Variants in TMEM132C observed in about 807,000 individuals in gnomAD.
The protein encoded by TMEM132C is protein phosphatase 1, regulatory subunit 152.
A neutral mutation model predicts 61.4 loss-of-function variants in TMEM132C; 29 were observed. That is an observed-to-expected ratio of 0.47 (90% CI 0.35 to 0.64). The LOEUF (loss-of-function observed/expected upper bound fraction) is 0.64, where lower values mean the gene tolerates loss of function less well. Among genes scored for constraint, TMEM132C ranks in the 30% least tolerant of loss-of-function variants. The pLI is 0.00. For missense variants in TMEM132C, 1,408 were observed against 1,476.9 expected, an observed-to-expected ratio of 0.95 and a Z score of 0.76; for synonymous variants, 656 against 633.1, an observed-to-expected ratio of 1.04 and a Z score of -0.54.
At chr12:128,403,418 C>T (rs1158356286) in intron 1 of TMEM132C, among the ~76,000 whole-genome samples, 1 of 152,112 alleles carries the variant, frequency 6.6e-6, no homozygotes, top group African/African-American at 2.4e-5. Flanking sequence ...AAAGAGCCCA[C>T]TTCCCTTAAT....
In TMEM132C at chr12:128,267,414, G is replaced by A; in HGVS notation, c.12G>A (p.Glu4=). 1.6e-6 allele frequency: 2 copies of A among 1,220,892 alleles called. No homozygotes were observed. The highest frequency in any genetic ancestry group is 3.5e-5 in the South Asian group (1 of 28,682). 75.6% of individuals were successfully genotyped at this position (1,220,892 alleles called of 1,614,324 possible). MRS[E]GAAPGPAAPL... Reference sequence around the variant, plus strand: ...GGCCGGGACGCAGGATGCGCTCCGAGGGTGCGGCCCCCGGGCCGGCGGCGC... The same window carrying A: ...GGCCGGGACGCAGGATGCGCTCCGAAGGTGCGGCCCCCGGGCCGGCGGCGC... Residue 4 remains glutamate, a synonymous_variant, in exon 1 of 9, where the codon GAG becomes GAA. Coordinates refer to ENST00000435159, the MANE Select transcript of TMEM132C (RefSeq NM_001136103.3).
At chr12:128,392,001 A>AC (rs1874778290) in intron 1 of TMEM132C, among the ~76,000 whole-genome samples, 1 of 151,596 alleles carries the variant, frequency 6.6e-6, no homozygotes, top group South Asian at 2.1e-4. Context: ...TATGACCTGA[A>AC]CCTCTAATTA....
chr12:128,267,604 G>T (rs998618463), intron 1 of TMEM132C, 117 bp downstream of exon 1: 57 of 851,450 alleles, frequency 6.7e-5, no homozygotes, highest in Non-Finnish European at 4.2e-5. Flanking sequence ...CGGGGGCTCG[G>T]ATCCCATCAA....
chr12:128,462,164 G>A (rs1224686228), intron 2 of TMEM132C, among the ~76,000 whole-genome samples: 2 of 152,112 alleles, frequency 1.3e-5, no homozygotes, highest in Non-Finnish European at 2.9e-5. Context: ...GGAGTGCAGT[G>A]GTGCAATCTC....
At chr12:128,692,345 G>A (rs763339989) in intron 5 of TMEM132C, among the ~76,000 whole-genome samples, 1 of 152,212 alleles carries the variant, frequency 6.6e-6, no homozygotes, top group Non-Finnish European at 1.5e-5. Flanking sequence ...AGCAGCTGAG[G>A]TAAGGAACCC....
chr12:128,409,414 C>G (rs1683722), intron 1 of TMEM132C, among the ~76,000 whole-genome samples: 3 of 152,172 alleles, frequency 2.0e-5, no homozygotes, highest in East Asian at 3.9e-4. Context: ...ACAAGCAGGC[C>G]GGTCCATGGC....
intron 1 of TMEM132C, among the ~76,000 whole-genome samples, chr12:128,323,639 A>G (rs976196609): frequency 1.3e-5 from 2 of 152,232 alleles, no homozygotes; most frequent in Non-Finnish European, 2.9e-5. Flanking sequence ...GATAGAATCT[A>G]TGGGCTTTGC....
At chr12:128,505,752 GA>G (rs1242524125) in intron 2 of TMEM132C, among the ~76,000 whole-genome samples, 1 of 152,196 alleles carries the variant, frequency 6.6e-6, no homozygotes, top group Non-Finnish European at 1.5e-5. Flanking sequence ...AATGTCAATT[GA>G]GTGATGAACT....
At chr12:128,276,435 A>G (rs1178790047) in intron 1 of TMEM132C, among the ~76,000 whole-genome samples, 1 of 152,182 alleles carries the variant, frequency 6.6e-6, no homozygotes, top group African/African-American at 2.4e-5. Context: ...CTAAACAGAG[A>G]GCCAAAGGTT....
chr12:128,536,798 A>G (rs1200163625), intron 2 of TMEM132C, among the ~76,000 whole-genome samples: 1 of 152,122 alleles, frequency 6.6e-6, no homozygotes, highest in Non-Finnish European at 1.5e-5. Flanking sequence ...ATTTCCTTTC[A>G]TAAGACATGA....
intron 5 of TMEM132C, among the ~76,000 whole-genome samples, chr12:128,681,954 G>A (rs918662358): frequency 1.3e-5 from 2 of 151,806 alleles, no homozygotes; most frequent in African/African-American, 2.4e-5. Flanking sequence ...ACAGGTGTGA[G>A]CCACCGTGCC....
chr12:128,379,293 G>C (rs1874326382), intron 1 of TMEM132C, among the ~76,000 whole-genome samples: 1 of 152,200 alleles, frequency 6.6e-6, no homozygotes, highest in Non-Finnish European at 1.5e-5. Context: ...TGTTGGTGCA[G>C]ATTAGCTGAG....
At chr12:128,680,550 C>T (rs965825928) in intron 5 of TMEM132C, among the ~76,000 whole-genome samples, 3 of 152,246 alleles carry the variant, frequency 2.0e-5, no homozygotes, top group African/African-American at 7.2e-5. Flanking sequence ...CTAGCCACAT[C>T]TCAGGTGCTC....
intron 4 of TMEM132C, among the ~76,000 whole-genome samples, chr12:128,635,042 A>G (rs901793637): frequency 1.3e-5 from 2 of 152,234 alleles, no homozygotes; most frequent in South Asian, 4.1e-4. Flanking sequence ...GTGTGCACAT[A>G]TCACCCACAA....
At chr12:128,593,454 C>A (rs1280439264) in intron 3 of TMEM132C, among the ~76,000 whole-genome samples, 1 of 152,200 alleles carries the variant, frequency 6.6e-6, no homozygotes, top group Non-Finnish European at 1.5e-5. Context: ...TGTGACCTCA[C>A]TCCCACTCTG....
intron 1 of TMEM132C, 96 bp downstream of exon 1, chr12:128,267,583 G>A: frequency 2.9e-6 from 3 of 1,027,436 alleles, no homozygotes; most frequent in Non-Finnish European, 3.7e-6. Flanking sequence ...GGGGTGCGGC[G>A]GGGGCCTCGG....
chr12:128,361,513 A>G (rs905891963), intron 1 of TMEM132C, among the ~76,000 whole-genome samples: 2 of 152,142 alleles, frequency 1.3e-5, no homozygotes, highest in South Asian at 2.1e-4. Context: ...CCATATAACA[A>G]ATGTCTCCAT....
Position 128,497,660 on chromosome 12 carries a change from G to A in TMEM132C, c.975-46297G>A, listed in dbSNP as rs571382692. 2.3e-3 allele frequency among the ~76,000 whole-genome samples: 347 copies of A among 152,302 alleles called. 1 individual carries two copies. Among genetic ancestry groups the A allele is most frequent in the Middle Eastern group, 0.01 (3 of 294 alleles). Reference sequence around the variant, plus strand: ...GCGGGATATAATCTCCTGGTGTGCCGTTTGCTAAGACCATTGGAAAAGCGC... The same window carrying A: ...GCGGGATATAATCTCCTGGTGTGCCATTTGCTAAGACCATTGGAAAAGCGC... On this transcript the variant is annotated intron_variant, in intron 2 of 8. Coordinates refer to ENST00000435159, the MANE Select transcript of TMEM132C (RefSeq NM_001136103.3).
At chr12:128,269,381 C>A (rs1870434127) in intron 1 of TMEM132C, among the ~76,000 whole-genome samples, 1 of 25,420 alleles carries the variant, frequency 3.9e-5, no homozygotes. Flanking sequence ...TGTGTGTATC[C>A]AGAGGATTTT....
Sources: allele counts gnomAD v4.1 joint callset (sites outside exome capture counted in the v4.1 genomes callset), GRCh38; gene constraint gnomAD v4.1.1; transcripts MANE v1.5; gene names NCBI Gene and HGNC (gene_info 2026-07-23, HGNC 2026-07-21).